RACGAP1: variants seen among roughly 807,000 people sequenced by gnomAD.
RACGAP1 encodes the protein rac GTPase-activating protein 1.
RACGAP1 carries 30 observed loss-of-function variants against 78.1 expected under a neutral mutation model. The observed-to-expected ratio is 0.38, with a 90% CI of 0.29 to 0.52. The LOEUF (loss-of-function observed/expected upper bound fraction) is 0.52, where lower values mean the gene tolerates loss of function less well. Ranked by LOEUF, RACGAP1 falls within the 20% of genes least tolerant of loss-of-function variation. RACGAP1 has a pLI of 0.82. For synonymous variants in RACGAP1, 231 were observed against 264.8 expected, an observed-to-expected ratio of 0.87 and a Z score of 1.24; for missense variants, 587 against 777.1, an observed-to-expected ratio of 0.76 and a Z score of 2.91.
chr12:50,002,127 G>T, intron 6 of RACGAP1, 120 bp downstream of exon 6: 1 of 619,678 alleles, frequency 1.6e-6, no homozygotes, highest in Non-Finnish European at 2.8e-6. Context: ...GAATTCATCT[G>T]TAGTATGTGC....
chr12:49,992,718 G>C (rs1947980802), intron 12 of RACGAP1, 63 bp from the exon 13 acceptor site: 5 of 1,287,824 alleles, frequency 3.9e-6, no homozygotes, highest in Non-Finnish European at 4.4e-6. Flanking sequence ...GGGCTTCCAA[G>C]TTATCGACCA....
At chr12:49,994,028 T>C in intron 12 of RACGAP1, 103 bp downstream of exon 12, 1 of 1,154,218 alleles carries the variant, frequency 8.7e-7, no homozygotes, top group Non-Finnish European at 1.2e-6. Context: ...TGGGCGAGAG[T>C]GAGACTCTGT....
At chr12:50,029,632 G>C (rs905332125), upstream of RACGAP1, among the ~76,000 whole-genome samples, 1 of 151,910 alleles carries the variant, frequency 6.6e-6, no homozygotes, top group African/African-American at 2.4e-5. Flanking sequence ...GGTGGCTCAC[G>C]CCTGTAATCC....
At chr12:49,995,435 T>G (rs1314736519) in intron 10 of RACGAP1, among the ~76,000 whole-genome samples, 1 of 152,132 alleles carries the variant, frequency 6.6e-6, no homozygotes, top group Non-Finnish European at 1.5e-5. Flanking sequence ...AATATTTGAT[T>G]TGCTGAAGAG....
intron 15 of RACGAP1, among the ~76,000 whole-genome samples, chr12:49,991,427 G>A (rs1444920057): frequency 8.3e-6 from 1 of 120,416 alleles, no homozygotes; most frequent in African/African-American, 3.0e-5. Context: ...AACATGCTAA[G>A]TGAAATAAGA....
At chr12:50,009,778 C>G (rs1949199700) in intron 2 of RACGAP1, among the ~76,000 whole-genome samples, 1 of 152,240 alleles carries the variant, frequency 6.6e-6, no homozygotes, top group African/African-American at 2.4e-5. Flanking sequence ...GCCCCCAGAA[C>G]AGAGGCATTC....
At chr12:50,006,034 C>T (rs1317170391) in intron 3 of RACGAP1, among the ~76,000 whole-genome samples, 3 of 152,154 alleles carry the variant, frequency 2.0e-5, no homozygotes, top group African/African-American at 7.2e-5. Flanking sequence ...GTTGTCTTGC[C>T]TGTATGTATG....
chr12:50,007,474 C>T (rs886821858), intron 2 of RACGAP1, among the ~76,000 whole-genome samples: 1 of 152,206 alleles, frequency 6.6e-6, no homozygotes, highest in Non-Finnish European at 1.5e-5. Flanking sequence ...CTCCGTCTAT[C>T]TCTAAGGATC....
chr12:50,008,775 A>C (rs1949132705), intron 2 of RACGAP1, among the ~76,000 whole-genome samples: 1 of 152,082 alleles, frequency 6.6e-6, no homozygotes, highest in South Asian at 2.1e-4. Flanking sequence ...TTATAGGCAT[A>C]AGCCACCATG....
intron 1 of RACGAP1, among the ~76,000 whole-genome samples, chr12:50,024,030 G>A (rs1950148069): frequency 6.6e-6 from 1 of 151,922 alleles, no homozygotes; most frequent in Non-Finnish European, 1.5e-5. Context: ...GCGTGGTGAC[G>A]GGCCCCTATA....
intron 2 of RACGAP1, among the ~76,000 whole-genome samples, chr12:50,009,836 T>TA (rs1177319671): frequency 6.6e-6 from 1 of 152,244 alleles, no homozygotes; most frequent in East Asian, 1.9e-4. Context: ...TGGAATGCCC[T>TA]ACCTATTACA....
At chr12:50,014,038 T>C (rs889294168) in intron 2 of RACGAP1, among the ~76,000 whole-genome samples, 2 of 152,056 alleles carry the variant, frequency 1.3e-5, no homozygotes, top group Non-Finnish European at 2.9e-5. Context: ...AGAGAGAAAA[T>C]AGAATATTGT....
chr12:50,012,198 G>A (rs992978397), intron 2 of RACGAP1, among the ~76,000 whole-genome samples: 1 of 152,122 alleles, frequency 6.6e-6, no homozygotes, highest in Non-Finnish European at 1.5e-5. Context: ...AGGCCAAGGC[G>A]GTTGGATCAC....
At chr12:50,002,993 T>C (rs7961683) in intron 5 of RACGAP1, among the ~76,000 whole-genome samples, 23,954 of 147,132 alleles carry the variant, frequency 0.16, 3,283 homozygotes, top group African/African-American at 0.38. Flanking sequence ...CACTGCATTC[T>C]AGCCTGGGTG....
chr12:49,999,076 T>C, intron 9 of RACGAP1, 65 bp downstream of exon 9: 3 of 1,506,110 alleles, frequency 2.0e-6, no homozygotes, highest in Non-Finnish European at 2.7e-6. Flanking sequence ...TATTTAACTT[T>C]ATTCCTGGTA....
At chr12:50,025,579 G>C, upstream of RACGAP1, 1 of 978,006 alleles carries the variant, frequency 1.0e-6, no homozygotes, top group Non-Finnish European at 1.2e-6. Flanking sequence ...ACGCGGAGGT[G>C]ACGGGAACGG....
In RACGAP1 at chr12:49,997,168, G is replaced by A; in HGVS notation, c.916C>T (p.Arg306Trp). ...KPESCVPCGKRIKFGKLSLKC... is the reference protein window; with the variant it reads ...KPESCVPCGKWIKFGKLSLKC... ...AGAGATAATTTGCCAAATTTTATCC[G>A]CTTTCCACATGGAACACAGGATTCA... Residue 306 changes from arginine (R) to tryptophan (W), a missense_variant, in exon 10 of 17, where the codon CGG becomes TGG. By Grantham distance (101) the Arg-to-Trp change is moderately radical (BLOSUM62 -3). Transcript: ENST00000312377. 3 of 1,607,236 alleles carry A rather than the reference G, an allele frequency of 1.9e-6. No individual in the cohort carries two copies. The highest frequency in any genetic ancestry group is 2.6e-6 in the Non-Finnish European group (3 of 1,175,014).
At chr12:49,990,968 C>T (rs1947800042) in intron 15 of RACGAP1, among the ~76,000 whole-genome samples, 176 bp from the exon 16 acceptor site, 1 of 152,192 alleles carries the variant, frequency 6.6e-6, no homozygotes, top group Non-Finnish European at 1.5e-5. Flanking sequence ...ATCTTTTGAA[C>T]TCAATGAATA....
At position 49,994,337 on chromosome 12, in the gene RACGAP1, C is replaced by A. The variant is rs1948106033; in HGVS notation, c.1141-8G>T. The A allele has an allele frequency of 6.2e-7, 1 of 1,612,814 alleles. No homozygotes were observed. Among genetic ancestry groups the A allele is most frequent in the African/African-American group, 1.3e-5 (1 of 74,762 alleles). ...GATCCTATACAGGCCTGTCTATTATCAAGATGACATTTTTATTTAAAAACC... is the reference window on the plus strand; with the variant it reads ...GATCCTATACAGGCCTGTCTATTATAAAGATGACATTTTTATTTAAAAACC... On this transcript the variant is annotated splice_polypyrimidine_tract_variant and splice_region_variant and intron_variant, in intron 11 of 16. Transcript: ENST00000312377.
Sources: allele counts gnomAD v4.1 joint callset (sites outside exome capture counted in the v4.1 genomes callset), GRCh38; gene constraint gnomAD v4.1.1; transcripts MANE v1.5; gene names NCBI Gene and HGNC (gene_info 2026-07-23, HGNC 2026-07-21).